NFYB: variants seen among roughly 807,000 people sequenced by gnomAD.
NFYB encodes CAAT box DNA-binding protein subunit B.
Under a neutral mutation model 28.0 loss-of-function variants are expected in NFYB, and 13 were observed. That is an observed-to-expected ratio of 0.46 (90% CI 0.30 to 0.74). The LOEUF (loss-of-function observed/expected upper bound fraction) is 0.74, where lower values mean the gene tolerates loss of function less well. Among genes scored for constraint, NFYB ranks in the 30% least tolerant of loss-of-function variants. NFYB has a pLI of 0.07. For synonymous variants in NFYB, 74 were observed against 75.0 expected (o/e 0.99, Z 0.07); for missense variants, 142 against 247.6 (o/e 0.57, Z 2.86).
Position 104,123,396 on chromosome 12 carries a change from G to C in NFYB, c.259C>G (p.Gln87Glu), listed in dbSNP as rs2030556845. 6.2e-7 allele frequency: 1 copy of C among 1,613,950 alleles called. No individual in the cohort carries two copies. The highest frequency in any genetic ancestry group is 8.5e-7 in the Non-Finnish European group (1 of 1,179,990). Residue 87 changes from glutamine (Q) to glutamate (E), a missense_variant, in exon 5 of 8, where the codon CAA (glutamine) becomes GAA (glutamate). By Grantham distance (29) the Gln-to-Glu change is conservative. Around this residue, in one of 2 missense-constraint regions of NFYB, gnomAD observed 88 missense variants for 189.5 expected, o/e 0.46. Coordinates refer to ENST00000240055, the MANE Select transcript of NFYB (RefSeq NM_006166.4). Reference protein sequence around the residue: ...KIAKDAKECVQECVSEFISFI... With the variant: ...KIAKDAKECVEECVSEFISFI... ...CTGATGAACTCACTTACACATTCTT[G>C]AACACATTCTTTGGCATCTTTTGCA... is the stretch of plus-strand genomic sequence containing the variant.
chr12:104,127,053 C>CAGT (rs1244159049), intron 3 of NFYB, among the ~76,000 whole-genome samples: 1 of 152,190 alleles, frequency 6.6e-6, no homozygotes, highest in Admixed American at 6.5e-5. Flanking sequence ...GAAGCTTGCG[C>CAGT]AGTACCAATA....
intron 5 of NFYB, among the ~76,000 whole-genome samples, chr12:104,122,871 AT>A (rs1404212185): frequency 6.6e-6 from 1 of 152,136 alleles, no homozygotes; most frequent in African/African-American, 2.4e-5. Context: ...AATGTCTCTT[AT>A]TTTCTTAAAA....
chr12:104,122,896 C>T (rs945904111), intron 5 of NFYB, among the ~76,000 whole-genome samples: 1 of 151,532 alleles, frequency 6.6e-6, no homozygotes, highest in Non-Finnish European at 1.5e-5. Flanking sequence ...CAATGGGGGC[C>T]GGGCATGGTG....
intron 4 of NFYB, 61 bp downstream of exon 4, chr12:104,126,053 G>C (rs983289183): frequency 2.0e-6 from 3 of 1,482,382 alleles, no homozygotes; most frequent in Middle Eastern, 2.5e-4. Context: ...CATGACCTAT[G>C]AATTCATGTA....
At chr12:104,124,284 C>A (rs1198313955) in intron 4 of NFYB, among the ~76,000 whole-genome samples, 1 of 152,188 alleles carries the variant, frequency 6.6e-6, no homozygotes, top group African/African-American at 2.4e-5. Context: ...TTTGAGTTTA[C>A]TAAAAAGCCT....
At chr12:104,129,325 G>A (rs2030840226) in intron 2 of NFYB, among the ~76,000 whole-genome samples, 1 of 151,868 alleles carries the variant, frequency 6.6e-6, no homozygotes, top group South Asian at 2.1e-4. Flanking sequence ...ATCAGCTTAA[G>A]TCATCAACTG....
At chr12:104,134,533 T>G (rs73392510) in intron 2 of NFYB, among the ~76,000 whole-genome samples, 4,068 of 152,218 alleles carry the variant, frequency 0.027, 190 homozygotes, top group African/African-American at 0.093. Context: ...CCTTTCCTAT[T>G]TCCACTGGAT....
intron 2 of NFYB, chr12:104,131,154 T>C (rs1218637014): frequency 6.6e-6 from 1 of 152,260 alleles, no homozygotes; most frequent in Non-Finnish European, 1.5e-5. Flanking sequence ...TGATTATCAT[T>C]TGGACTAACA....
chr12:104,123,143 TCCA>T, intron 5 of NFYB, 80 bp downstream of exon 5: 3 of 1,081,324 alleles, frequency 2.8e-6, no homozygotes, highest in Non-Finnish European at 2.6e-6. Context: ...GCCACTGTAC[TCCA>T]GCCTGGGCAA....
chr12:104,123,464 A>C, intron 4 of NFYB, 41 bp from the exon 5 acceptor site: 1 of 1,541,424 alleles, frequency 6.5e-7, no homozygotes, highest in Non-Finnish European at 8.9e-7. Flanking sequence ...AACTATAACC[A>C]TCACCTTCCT....
intron 7 of NFYB, 41 bp from the exon 8 acceptor site, chr12:104,119,810 G>A: frequency 7.1e-7 from 1 of 1,415,944 alleles, no homozygotes; most frequent in Non-Finnish European, 9.9e-7. Flanking sequence ...TTAAAGAAAA[G>A]GAGATTAAAA....
At chr12:104,132,467 A>C (rs1337868211) in intron 2 of NFYB, among the ~76,000 whole-genome samples, 2 of 152,152 alleles carry the variant, frequency 1.3e-5, no homozygotes, top group African/African-American at 4.8e-5. Flanking sequence ...GAGCACAAAT[A>C]GGCACAGAAG....
rs1419658877 is a variant in NFYB at position 104,118,627 on chromosome 12, C to T, written c.*1110G>A. On this transcript the variant is annotated 3_prime_UTR_variant, in exon 8 of 8. Transcript: ENST00000240055. ...TTTTCAAAAAGAAACAATCCAAGTA[C>T]ATACTACTAAATTATACAAAGTTAC... The T allele has an allele frequency of 1.3e-5, 2 of 152,446 alleles. No homozygotes were observed. The highest frequency in any genetic ancestry group is 2.4e-5 in the African/African-American group (1 of 41,434). 9.4% of individuals were successfully genotyped at this position (152,446 alleles called of 1,614,324 possible). A position where few individuals can be genotyped will look rare whatever the true frequency, so the allele number is the denominator to read the frequency against.
intron 3 of NFYB, among the ~76,000 whole-genome samples, chr12:104,126,787 T>C (rs1593631034): frequency 6.6e-6 from 1 of 152,150 alleles, no homozygotes; most frequent in South Asian, 2.1e-4. Flanking sequence ...GATTAAGAGG[T>C]TGTATGTTTC....
intron 1 of NFYB, among the ~76,000 whole-genome samples, chr12:104,137,054 T>A (rs764384284): frequency 1.3e-5 from 2 of 152,222 alleles, no homozygotes; most frequent in Non-Finnish European, 2.9e-5. Flanking sequence ...GCCACTGATA[T>A]TGATCCGTTT....
intron 1 of NFYB, among the ~76,000 whole-genome samples, chr12:104,137,144 C>T (rs2031131257): frequency 6.6e-6 from 1 of 152,184 alleles, no homozygotes; most frequent in Admixed American, 6.5e-5. Context: ...GCACGAACCA[C>T]GCAACTATGG....
chr12:104,123,911 A>G (rs897506470), intron 4 of NFYB, among the ~76,000 whole-genome samples: 5 of 152,174 alleles, frequency 3.3e-5, no homozygotes, highest in Non-Finnish European at 5.9e-5. Flanking sequence ...CAGTGAGCCG[A>G]GATTGAGCCA....
chr12:104,131,645 CA>C (rs2030925717), intron 2 of NFYB: 1 of 422,320 alleles, frequency 2.4e-6, no homozygotes, highest in African/African-American at 2.1e-5. Flanking sequence ...AGATGCATCC[CA>C]AAGGTTTTTT....
At chr12:104,136,017 T>C (rs1396129120) in intron 1 of NFYB, among the ~76,000 whole-genome samples, 1 of 152,154 alleles carries the variant, frequency 6.6e-6, no homozygotes, top group Non-Finnish European at 1.5e-5. Flanking sequence ...GAGGAAAAAA[T>C]TATCTGAGAA....
Sources: gnomAD v4.1 joint callset for allele counts (sites outside exome capture counted in the v4.1 genomes callset) on GRCh38, gnomAD v4.1.1 for gene constraint, gnomAD v4.1.1 regional missense constraint, MANE v1.5 for transcripts, NCBI Gene and HGNC (gene_info 2026-07-23, HGNC 2026-07-21) for gene names.